The following MMP16 variants were observed in gnomAD, a reference collection of about 807,000 sequenced individuals.
MMP16 encodes matrix metalloproteinase-16.
A neutral mutation model predicts 67.8 loss-of-function variants in MMP16; 12 were observed. The ratio of observed to expected loss-of-function variants is 0.18; its 90% CI spans 0.11 to 0.29. MMP16 has a LOEUF of 0.29. Ranked by LOEUF, MMP16 falls within the 10% of genes least tolerant of loss-of-function variation. The probability of loss-of-function intolerance (pLI) is 1.00; values close to 1 mark genes in which losing one functional copy is unlikely to be tolerated. For synonymous variants in MMP16, 249 were observed against 255.9 expected (o/e 0.97, Z 0.26); for missense variants, 475 against 765.7 (o/e 0.62, Z 4.48).
In MMP16 at chr8:88,172,655, T is replaced by C. The variant is rs528184459; in HGVS notation, c.405-4682A>G. Among the ~76,000 whole-genome samples, 252 of 152,288 alleles carry C rather than the reference T, an allele frequency of 1.7e-3. 1 individual carries two copies. The highest frequency in any genetic ancestry group is 5.5e-3 in the African/African-American group (229 of 41,584). The stretch of plus-strand genomic sequence containing the variant: ...ATGAAGCTAATTTAATTTTAAAATA[T>C]TTTTACTGGCCCTTTCTTTTTGTGA... On this transcript the variant is annotated intron_variant, in intron 3 of 9. Coordinates refer to ENST00000286614, the MANE Select transcript of MMP16 (RefSeq NM_005941.5).
At chr8:88,092,792 T>G (rs1355996970) in intron 6 of MMP16, among the ~76,000 whole-genome samples, 2 of 151,876 alleles carry the variant, frequency 1.3e-5, no homozygotes, top group Non-Finnish European at 2.9e-5. Flanking sequence ...TTACCAAGTT[T>G]TATATCGAGA....
At chr8:88,195,756 T>A (rs1419212989) in intron 2 of MMP16, among the ~76,000 whole-genome samples, 22 of 152,184 alleles carry the variant, frequency 1.4e-4, no homozygotes, top group Admixed American at 1.4e-3. Context: ...ATTCTTTTTA[T>A]TCTTGATTCT....
In MMP16 at chr8:88,046,660, G is replaced by A; in HGVS notation, c.1489+9C>T. On this transcript the variant is annotated intron_variant, in intron 9 of 9. Coordinates refer to ENST00000286614, the MANE Select transcript of MMP16 (RefSeq NM_005941.5). ...AACTTATGAAATGTAGAAAGCACAT[G>A]TTGCATACCATTTTCTTTGTGTACA... 1.3e-6 allele frequency: 2 copies of A among 1,526,990 alleles called. No homozygotes were observed. The highest frequency in any genetic ancestry group is 1.8e-6 in the Non-Finnish European group (2 of 1,119,764). The allele number at this position is 1,526,990 out of a possible 1,614,324, so 94.6% of individuals were successfully genotyped here. A position where few individuals can be genotyped will look rare whatever the true frequency, so the allele number is the denominator to read the frequency against.
At chr8:88,153,413 C>A (rs1192370768) in intron 4 of MMP16, among the ~76,000 whole-genome samples, 1 of 152,102 alleles carries the variant, frequency 6.6e-6, no homozygotes, top group African/African-American at 2.4e-5. Flanking sequence ...ACCAAGTCAA[C>A]CCTAAGCCAA....
chr8:88,292,912 A>T (rs554257191), intron 1 of MMP16, among the ~76,000 whole-genome samples: 153 of 152,290 alleles, frequency 1.0e-3, no homozygotes, highest in African/African-American at 3.4e-3. Flanking sequence ...CTAATTGACA[A>T]TGGGTTTTGA....
At chr8:88,149,665 G>C (rs1280071271) in intron 4 of MMP16, among the ~76,000 whole-genome samples, 1 of 151,100 alleles carries the variant, frequency 6.6e-6, no homozygotes, top group Non-Finnish European at 1.5e-5. Flanking sequence ...CTGTTAGAAG[G>C]AAAACTAACA....
chr8:88,075,239 A>G (rs1361214608), intron 6 of MMP16, among the ~76,000 whole-genome samples: 1 of 152,202 alleles, frequency 6.6e-6, no homozygotes, highest in Non-Finnish European at 1.5e-5. Context: ...TCATCATTAA[A>G]TGTATTTTTG....
At chr8:88,116,390 ACTTT>A in intron 6 of MMP16, 113 bp downstream of exon 6, 1 of 860,372 alleles carries the variant, frequency 1.2e-6, no homozygotes. Context: ...CTTTTTTTGA[ACTTT>A]CTAACTGTGA....
intron 8 of MMP16, among the ~76,000 whole-genome samples, chr8:88,055,522 A>G (rs1466141986): frequency 6.6e-6 from 1 of 152,222 alleles, no homozygotes; most frequent in Non-Finnish European, 1.5e-5. Flanking sequence ...TGTAAGTTTT[A>G]AAGTAACAAT....
chr8:88,234,721 C>T (rs975907025), intron 1 of MMP16, among the ~76,000 whole-genome samples: 1 of 152,180 alleles, frequency 6.6e-6, no homozygotes, highest in East Asian at 1.9e-4. Flanking sequence ...TAAAGCCAAC[C>T]TGCTGTAAAG....
At chr8:88,082,696 T>G (rs946103474) in intron 6 of MMP16, among the ~76,000 whole-genome samples, 1 of 152,040 alleles carries the variant, frequency 6.6e-6, no homozygotes, top group African/African-American at 2.4e-5. Flanking sequence ...ATAAAAGTAG[T>G]TACTGAGTAA....
At chr8:88,238,340 C>G (rs1809977765) in intron 1 of MMP16, among the ~76,000 whole-genome samples, 1 of 152,082 alleles carries the variant, frequency 6.6e-6, no homozygotes, top group Admixed American at 6.6e-5. Context: ...TGGTGAAACC[C>G]CATTTCTACT....
intron 9 of MMP16, among the ~76,000 whole-genome samples, chr8:88,043,496 T>G (rs1808159667): frequency 1.3e-5 from 2 of 152,266 alleles, no homozygotes; most frequent in African/African-American, 4.8e-5. Flanking sequence ...TTGGTCAGGC[T>G]AGTCTCAAAC....
chr8:88,281,251 T>C (rs1810730709), intron 1 of MMP16, among the ~76,000 whole-genome samples: 1 of 152,212 alleles, frequency 6.6e-6, no homozygotes, highest in East Asian at 1.9e-4. Flanking sequence ...TAAGAATTCA[T>C]TTAGGGCTCA....
At chr8:88,095,993 G>C (rs927572669) in intron 6 of MMP16, among the ~76,000 whole-genome samples, 1 of 151,836 alleles carries the variant, frequency 6.6e-6, no homozygotes, top group South Asian at 2.1e-4. Flanking sequence ...CTGAAATATT[G>C]GTAAAGGAAA....
chr8:88,114,655 C>A (rs771186728), intron 6 of MMP16, among the ~76,000 whole-genome samples: 5 of 151,770 alleles, frequency 3.3e-5, no homozygotes, highest in Non-Finnish European at 7.4e-5. Context: ...AACAAAATGC[C>A]TATTAGAAGA....
At chr8:88,115,173 T>G (rs930377047) in intron 6 of MMP16, among the ~76,000 whole-genome samples, 1 of 152,076 alleles carries the variant, frequency 6.6e-6, no homozygotes. Flanking sequence ...AAGCCTGCAA[T>G]GTTGAAATTC....
At chr8:88,042,075 C>G (rs977761269) in intron 9 of MMP16, among the ~76,000 whole-genome samples, 1 of 152,102 alleles carries the variant, frequency 6.6e-6, no homozygotes, top group African/African-American at 2.4e-5. Flanking sequence ...CAGTCTACTC[C>G]TAGTCCAAGC....
chr8:88,288,553 G>T (rs1810870333), intron 1 of MMP16, among the ~76,000 whole-genome samples: 2 of 152,038 alleles, frequency 1.3e-5, no homozygotes, highest in Non-Finnish European at 2.9e-5. Context: ...CAGTGTTCTG[G>T]TATCTTTAGA....
Sources: gnomAD v4.1 joint callset for allele counts (sites outside exome capture counted in the v4.1 genomes callset) on GRCh38, gnomAD v4.1.1 for gene constraint, MANE v1.5 for transcripts, NCBI Gene and HGNC (gene_info 2026-07-23, HGNC 2026-07-21) for gene names.